Variants in ZNF385D observed in about 807,000 individuals in gnomAD.
ZNF385D encodes zinc finger protein 385D, also known as zinc finger protein 659.
A neutral mutation model predicts 35.8 loss-of-function variants in ZNF385D; 15 were observed. The ratio of observed to expected loss-of-function variants is 0.42; its 90% CI spans 0.28 to 0.64. The LOEUF is 0.64. Ranked by LOEUF, ZNF385D falls within the 30% of genes least tolerant of loss-of-function variation. The pLI is 0.23. For missense variants in ZNF385D, 474 were observed against 494.6 expected (o/e 0.96, Z 0.39); for synonymous variants, 212 against 186.8 (o/e 1.13, Z -1.10).
At chr3:21,867,732 G>T (rs139220659) in intron 3 of ZNF385D, among the ~76,000 whole-genome samples, 1 of 78,316 alleles carries the variant, frequency 1.3e-5, no homozygotes, top group Non-Finnish European at 2.8e-5. Context: ...ATATGTTTTA[G>T]TAGGAAAAGT....
At chr3:21,820,085 AT>A (rs2038729496) in intron 3 of ZNF385D, among the ~76,000 whole-genome samples, 1 of 151,578 alleles carries the variant, frequency 6.6e-6, no homozygotes, top group South Asian at 2.1e-4. Context: ...TATTGAATAT[AT>A]TTTATCTAAT....
At chr3:21,761,478 T>C (rs9833020) in intron 3 of ZNF385D, among the ~76,000 whole-genome samples, 44,350 of 152,056 alleles carry the variant, frequency 0.29, 6,759 homozygotes, top group Middle Eastern at 0.44. Context: ...AAGACAGATA[T>C]AGGATCCTGG....
chr3:22,126,979 T>C (rs1399818305), intron 3 of ZNF385D, among the ~76,000 whole-genome samples: 1 of 152,198 alleles, frequency 6.6e-6, no homozygotes, highest in African/African-American at 2.4e-5. Flanking sequence ...TTCTATCTGA[T>C]GCAAGTATAG....
At chr3:21,938,270 G>A (rs997516664) in intron 3 of ZNF385D, among the ~76,000 whole-genome samples, 1 of 152,132 alleles carries the variant, frequency 6.6e-6, no homozygotes, top group African/African-American at 2.4e-5. Context: ...CCAGAAGAAC[G>A]TTTTTGTGAC....
intron 2 of ZNF385D, among the ~76,000 whole-genome samples, chr3:22,339,702 C>A (rs569909176): frequency 6.6e-6 from 1 of 152,156 alleles, no homozygotes; most frequent in Non-Finnish European, 1.5e-5. Flanking sequence ...TAATGCTCAC[C>A]TGCTTTATGT....
At chr3:22,251,794 T>C (rs1434887587) in intron 2 of ZNF385D, among the ~76,000 whole-genome samples, 1 of 152,056 alleles carries the variant, frequency 6.6e-6, no homozygotes, top group African/African-American at 2.4e-5. Context: ...GAGTTTGAGC[T>C]TGGGATCTTA....
intron 2 of ZNF385D, among the ~76,000 whole-genome samples, chr3:22,242,253 C>T (rs1223022065): frequency 2.0e-5 from 3 of 151,044 alleles, no homozygotes; most frequent in Non-Finnish European, 4.4e-5. Context: ...TATCCACTCC[C>T]TAAGAAGGTG....
chr3:21,578,196 T>C (rs991877311), intron 2 of ZNF385D, among the ~76,000 whole-genome samples: 8 of 152,186 alleles, frequency 5.3e-5, no homozygotes, highest in African/African-American at 1.9e-4. Context: ...GCTGTCAAGT[T>C]CTTTGAATTC....
At chr3:21,583,911 T>G (rs1353821614) in intron 2 of ZNF385D, among the ~76,000 whole-genome samples, 1 of 150,716 alleles carries the variant, frequency 6.6e-6, no homozygotes, top group Non-Finnish European at 1.5e-5. Context: ...TTTCCAATTC[T>G]CAAATTATTT....
Position 21,535,455 on chromosome 3 carries a change from G to A in ZNF385D, c.277-24432C>T, listed in dbSNP as rs533990496. On this transcript the variant is annotated intron_variant, in intron 3 of 7. Transcript: ENST00000281523. ...CAGCAACATCTACAAAGATCACATC[G>A]CATGGCAACTGCCAGAGTTAAAGCA... Among the ~76,000 whole-genome samples, 69 of 152,142 alleles carry A rather than the reference G, an allele frequency of 4.5e-4. 1 individual carries two copies. In the South Asian group the frequency reaches 5.5e-3, roughly 12 times the overall value.
intron 3 of ZNF385D, among the ~76,000 whole-genome samples, chr3:21,765,011 G>C (rs1039718011): frequency 1.5e-4 from 23 of 152,120 alleles, no homozygotes; most frequent in African/African-American, 5.6e-4. Context: ...ACCCATAGCT[G>C]TCTCAAGTAA....
chr3:21,948,683 T>G (rs1319492480), intron 3 of ZNF385D, among the ~76,000 whole-genome samples: 4 of 138,934 alleles, frequency 2.9e-5, no homozygotes, highest in Non-Finnish European at 4.6e-5. Flanking sequence ...ACTTGCCTTC[T>G]CTGTTTTCCA....
intron 2 of ZNF385D, among the ~76,000 whole-genome samples, chr3:22,218,118 G>A (rs1471303234): frequency 6.6e-6 from 1 of 152,048 alleles, no homozygotes; most frequent in Admixed American, 6.6e-5. Context: ...CAACAAGACT[G>A]TAAATTCCAC....
At chr3:22,307,931 A>G (rs1251329419) in intron 2 of ZNF385D, among the ~76,000 whole-genome samples, 1 of 152,084 alleles carries the variant, frequency 6.6e-6, no homozygotes, top group Non-Finnish European at 1.5e-5. Flanking sequence ...GAGGCACTTT[A>G]AAATCAAAGT....
At chr3:22,056,507 G>A (rs182570050) in intron 3 of ZNF385D, among the ~76,000 whole-genome samples, 6 of 152,192 alleles carry the variant, frequency 3.9e-5, no homozygotes, top group East Asian at 1.9e-4. Context: ...TCCATGACCC[G>A]TTATAGGGTG....
intron 2 of ZNF385D, among the ~76,000 whole-genome samples, chr3:21,565,582 C>T (rs1205462796): frequency 6.6e-6 from 1 of 151,994 alleles, no homozygotes; most frequent in Non-Finnish European, 1.5e-5. Context: ...TTTCACTATC[C>T]TTGTCTATTA....
chr3:22,007,282 A>G (rs1454368845), intron 3 of ZNF385D, among the ~76,000 whole-genome samples: 1 of 152,210 alleles, frequency 6.6e-6, no homozygotes, highest in Non-Finnish European at 1.5e-5. Flanking sequence ...AATCAACATT[A>G]TATCCTGGAA....
intron 2 of ZNF385D, among the ~76,000 whole-genome samples, chr3:21,640,738 T>G (rs2065580239): frequency 6.6e-6 from 1 of 152,112 alleles, no homozygotes; most frequent in Admixed American, 6.6e-5. Context: ...TATGGTATTT[T>G]GTTATAGAAG....
chr3:22,181,790 T>G (rs1695297357), intron 2 of ZNF385D, among the ~76,000 whole-genome samples: 1 of 151,576 alleles, frequency 6.6e-6, no homozygotes. Flanking sequence ...GCCCATAGAC[T>G]CTCCTTCACT....
Sources: gnomAD v4.1 joint callset for allele counts (sites outside exome capture counted in the v4.1 genomes callset) on GRCh38, gnomAD v4.1.1 for gene constraint, MANE v1.5 for transcripts, NCBI Gene and HGNC (gene_info 2026-07-23, HGNC 2026-07-21) for gene names.